ADAM10: variants seen among roughly 807,000 people sequenced by gnomAD.
ADAM10 encodes disintegrin and metalloproteinase domain-containing protein 10.
ADAM10 carries 17 observed loss-of-function variants against 90.1 expected under a neutral mutation model. That is an observed-to-expected ratio of 0.19 (90% CI 0.13 to 0.28). The LOEUF is 0.28. Ranked by LOEUF, ADAM10 falls within the 10% of genes least tolerant of loss-of-function variation. The probability of loss-of-function intolerance (pLI) is 1.00; values close to 1 mark genes in which losing one functional copy is unlikely to be tolerated. For missense variants in ADAM10, 610 were observed against 914.3 expected (o/e 0.67, Z 4.29); for synonymous variants, 310 against 298.6 (o/e 1.04, Z -0.40).
At chr15:58,690,062 C>T (rs1371432023) in intron 2 of ADAM10, among the ~76,000 whole-genome samples, 1 of 151,022 alleles carries the variant, frequency 6.6e-6, no homozygotes, top group African/African-American at 2.4e-5. Flanking sequence ...ACATCATAAG[C>T]AAATGAAGTA....
chr15:58,592,521 C>A lies in ADAM10; in HGVS notation c.*5026G>T, dbSNP rs751959064. 1 of 152,104 alleles carries A rather than the reference C, an allele frequency of 6.6e-6. No individual in the cohort carries two copies. The highest frequency in any genetic ancestry group is 1.5e-5 in the Non-Finnish European group (1 of 68,012). The allele number at this position is 152,104 out of a possible 1,614,324, so 9.4% of individuals were successfully genotyped here. On this transcript the variant is annotated 3_prime_UTR_variant, in exon 16 of 16. Transcript: ENST00000260408. ...GGTACAAAACAATGTTTCCTAGGTT[C>A]TTCTTGTACATTTCTTTCTTACAGG... is the stretch of plus-strand genomic sequence containing the variant.
intron 1 of ADAM10, among the ~76,000 whole-genome samples, chr15:58,737,446 A>C (rs1899467321): frequency 2.0e-5 from 3 of 152,196 alleles, no homozygotes; most frequent in African/African-American, 7.2e-5. Context: ...TTACGCTTTA[A>C]GGGTAAAATT....
intron 2 of ADAM10, among the ~76,000 whole-genome samples, chr15:58,698,026 T>G (rs1898024250): frequency 6.6e-6 from 1 of 152,022 alleles, no homozygotes; most frequent in African/African-American, 2.4e-5. Flanking sequence ...GAAAAAGCCC[T>G]CGCCTCAGAA....
intron 2 of ADAM10, among the ~76,000 whole-genome samples, chr15:58,688,966 AGAG>A (rs1247078764): frequency 2.7e-5 from 4 of 150,666 alleles, no homozygotes; most frequent in African/African-American, 4.9e-5. Flanking sequence ...TAAAGAAGCG[AGAG>A]GAGACAGAAA....
chr15:58,638,040 C>T (rs1374873497), intron 8 of ADAM10, among the ~76,000 whole-genome samples: 3 of 152,130 alleles, frequency 2.0e-5, no homozygotes, highest in Admixed American at 6.5e-5. Flanking sequence ...AACCTACACT[C>T]GAAAAAGTTG....
rs1437779341 is a variant in ADAM10, at chr15:58,611,024, T to C, written c.1779A>G (p.Leu593=). 6.2e-7 allele frequency: 1 copy of C among 1,613,616 alleles called. No homozygotes were observed. The highest frequency in any genetic ancestry group is 1.7e-5 in the Admixed American group (1 of 60,028). ...TTTTCTTCATACAGCATACATGGCA[T>C]AATTCTTTATCATCTTTGCCATCAG... ...ASSDGKDDKE[L]CHVCCMKKMD... The change falls in exon 13 of 16, where the codon TTA becomes TTG. Residue 593 remains leucine (L), a synonymous_variant. Transcript: ENST00000260408.
chr15:58,659,501 TGG>T (rs1896918079), intron 5 of ADAM10, among the ~76,000 whole-genome samples: 1 of 152,140 alleles, frequency 6.6e-6, no homozygotes, highest in South Asian at 2.1e-4. Flanking sequence ...TATGTTTATG[TGG>T]TGGATTACAC....
At chr15:58,611,582 C>A (rs1436332444) in intron 12 of ADAM10, 1 of 518,500 alleles carries the variant, frequency 1.9e-6, no homozygotes, top group Non-Finnish European at 3.4e-6. Flanking sequence ...CCGAGTTGTA[C>A]AACTATGTTT....
chr15:58,692,270 C>A (rs766781224), intron 2 of ADAM10: 11 of 605,116 alleles, frequency 1.8e-5, no homozygotes, highest in South Asian at 1.5e-4. Context: ...AAGTGGTCTT[C>A]CCAGGCACTG....
rs138666082 is a variant in ADAM10, at chr15:58,714,600, T to C, written c.206+2977A>G. Among the ~76,000 whole-genome samples the C allele has an allele frequency of 3.6e-3, 543 of 152,184 alleles. 5 individuals carry two copies. Among genetic ancestry groups the C allele is most frequent in the African/African-American group, 0.012 (518 of 41,532 alleles). On this transcript the variant is annotated intron_variant, in intron 2 of 15. Coordinates refer to ENST00000260408, the MANE Select transcript of ADAM10 (RefSeq NM_001110.4). ...CAATTTTATAGGCTGGGCTACAAGA[T>C]AGTACACATCTTATAGGCTGGGCTA... is the stretch of plus-strand genomic sequence containing the variant.
chr15:58,749,394 G>T, intron 1 of ADAM10, 86 bp downstream of exon 1: 1 of 1,286,584 alleles, frequency 7.8e-7, no homozygotes, highest in Non-Finnish European at 9.8e-7. Flanking sequence ...TGACGCGCAC[G>T]CCGCGAGGCG....
At position 58,654,223 on chromosome 15, in the gene ADAM10, A is replaced by G. The variant is rs368399795; in HGVS notation, c.586-8019T>C. Among the ~76,000 whole-genome samples, 30 of 150,942 alleles carry G rather than the reference A, an allele frequency of 2.0e-4. No individual in the cohort carries two copies. The East Asian group carries it at 3.1e-3, about 16-fold the overall frequency. On this transcript the variant is annotated intron_variant, in intron 5 of 15. Transcript: ENST00000260408. ...TACTTCTGCTCTTATCTTTATTATT[A>G]TTTCTTTTCTTCTACTAATTTCGGG...
chr15:58,625,347 A>C (rs1409635631), intron 10 of ADAM10, among the ~76,000 whole-genome samples: 6 of 152,226 alleles, frequency 3.9e-5, no homozygotes, highest in African/African-American at 1.4e-4. Flanking sequence ...ATGACCAAAA[A>C]ACATGGACAG....
intron 1 of ADAM10, among the ~76,000 whole-genome samples, chr15:58,727,174 ATCTTT>A (rs1249197969): frequency 7.8e-4 from 101 of 129,106 alleles, no homozygotes; most frequent in African/African-American, 2.9e-3. Context: ...TGCCTGACTA[ATCTTT>A]TTTTTTTTTT....
intron 2 of ADAM10, among the ~76,000 whole-genome samples, chr15:58,709,775 A>G (rs1407251663): frequency 3.3e-5 from 5 of 152,078 alleles, no homozygotes; most frequent in African/African-American, 1.2e-4. Flanking sequence ...ACACCACTAA[A>G]TAAGCCATCA....
At chr15:58,691,036 T>G in intron 2 of ADAM10, 1 of 550,880 alleles carries the variant, frequency 1.8e-6, no homozygotes, top group Non-Finnish European at 3.6e-6. Context: ...TTTTTAGCCA[T>G]CATATAACCC....
intron 12 of ADAM10, chr15:58,611,535 A>C: frequency 2.7e-6 from 1 of 370,530 alleles, no homozygotes; most frequent in East Asian, 5.5e-5. Context: ...CTGAAATATT[A>C]TTTTATAAAA....
chr15:58,607,795 C>A (rs1422312065), intron 14 of ADAM10, among the ~76,000 whole-genome samples: 1 of 152,034 alleles, frequency 6.6e-6, no homozygotes, highest in Non-Finnish European at 1.5e-5. Context: ...TACATTTGAA[C>A]AATAAAAGTC....
chr15:58,749,550 C>G lies in ADAM10; in HGVS notation c.-16G>C. On this transcript the variant is annotated 5_prime_UTR_variant, in exon 1 of 16. Coordinates refer to ENST00000260408, the MANE Select transcript of ADAM10 (RefSeq NM_001110.4). ...GCAACACCATCTTCCGCTGCCGCTG[C>G]CGCCGCCGCCGCCTCCTCACGGGTT... The G allele has an allele frequency of 6.5e-7, 1 of 1,546,108 alleles. No individual in the cohort carries two copies. The highest frequency in any genetic ancestry group is 8.7e-7 in the Non-Finnish European group (1 of 1,143,994).
Sources: allele counts gnomAD v4.1 joint callset (sites outside exome capture counted in the v4.1 genomes callset), GRCh38; gene constraint gnomAD v4.1.1; transcripts MANE v1.5; gene names NCBI Gene and HGNC (gene_info 2026-07-23, HGNC 2026-07-21).